SERINC1: variants seen among roughly 807,000 people sequenced by gnomAD.
SERINC1 encodes the protein serine incorporator 1, also known as tumor differentially expressed protein 2.
A neutral mutation model predicts 52.9 loss-of-function variants in SERINC1; 38 were observed. The ratio of observed to expected loss-of-function variants is 0.72; its 90% CI spans 0.55 to 0.94. The LOEUF (loss-of-function observed/expected upper bound fraction) is 0.94. Among genes scored for constraint, SERINC1 ranks in the 40% least tolerant of loss-of-function variants. The pLI is 0.00. For missense variants in SERINC1, 471 were observed against 533.9 expected (o/e 0.88, Z 1.16); for synonymous variants, 198 against 183.1 (o/e 1.08, Z -0.66).
chr6:122,457,453 T>TATTATG (rs1279765463), intron 2 of SERINC1, among the ~76,000 whole-genome samples: 1 of 152,202 alleles, frequency 6.6e-6, no homozygotes, highest in Non-Finnish European at 1.5e-5. Flanking sequence ...TGCTGTATAT[T>TATTATG]ATTATGGACT....
chr6:122,445,883 C>CAAAAAAAA (rs71018202), intron 9 of SERINC1, among the ~76,000 whole-genome samples: 32 of 62,774 alleles, frequency 5.1e-4, no homozygotes, highest in Non-Finnish European at 6.1e-4. Flanking sequence ...GACTCCATTT[C>CAAAAAAAA]AAAAAAAAAA....
chr6:122,467,075 G>A (rs568530893), intron 1 of SERINC1, among the ~76,000 whole-genome samples: 34 of 152,148 alleles, frequency 2.2e-4, no homozygotes, highest in Non-Finnish European at 3.8e-4. Context: ...AAACATGGTC[G>A]TCAACCAAAT....
chr6:122,461,704 A>C (rs1562216507), intron 1 of SERINC1, among the ~76,000 whole-genome samples: 2 of 152,138 alleles, frequency 1.3e-5, no homozygotes, highest in African/African-American at 4.8e-5. Flanking sequence ...TCTTCCAAAA[A>C]TTAAGGCAAA....
chr6:122,445,118 TG>T lies in SERINC1; in HGVS notation c.1287del (p.Ser430ValfsTer26). On this transcript the variant is annotated frameshift_variant, in exon 10 of 10. Coordinates refer to ENST00000339697, the MANE Select transcript of SERINC1 (RefSeq NM_020755.4). LOFTEE classifies it high-confidence loss of function. ...QWTAVWVKIS[S>X]SWIGIVLYVW... Reference sequence around the variant, plus strand: ...ACATACAGCACGATGCCAATCCAACTGGAAGAGATTTTCACCCAGACAGCTG... The same window carrying T: ...ACATACAGCACGATGCCAATCCAACTGAAGAGATTTTCACCCAGACAGCTG... The T allele has an allele frequency of 1.2e-6, 2 of 1,614,068 alleles. No homozygotes were observed. The highest frequency in any genetic ancestry group is 1.7e-6 in the Non-Finnish European group (2 of 1,179,942).
chr6:122,454,344 CTTCT>C, intron 3 of SERINC1, 114 bp from the exon 4 acceptor site: 3 of 625,316 alleles, frequency 4.8e-6, no homozygotes, highest in Non-Finnish European at 8.5e-6. Flanking sequence ...GAATGTTCTA[CTTCT>C]TTCTGAGGAT....
At chr6:122,454,390 C>G (rs1282207749) in intron 3 of SERINC1, 160 bp from the exon 4 acceptor site, 4 of 556,430 alleles carry the variant, frequency 7.2e-6, no homozygotes, top group Non-Finnish European at 1.3e-5. Flanking sequence ...ATATTTGTAA[C>G]TACAAAACAA....
Position 122,461,269 on chromosome 6 carries a change from AAAGT to A in SERINC1, c.40-2592_40-2589del, listed in dbSNP as rs529911587. Reference sequence around the variant, plus strand: ...TCACATCATAATCAAATTACTTAAAAAAGTAATAATCAGAAAAATCTTAAAAGTA... The same window carrying A: ...TCACATCATAATCAAATTACTTAAAAAATAATCAGAAAAATCTTAAAAGTA... On this transcript the variant is annotated intron_variant, in intron 1 of 9. Transcript: ENST00000339697. Among the ~76,000 whole-genome samples, 739 of 152,310 alleles carry A rather than the reference AAAGT, an allele frequency of 4.9e-3. 5 individuals carry two copies. Among genetic ancestry groups the A allele is most frequent in the African/African-American group, 0.017 (697 of 41,572 alleles).
Position 122,445,051 on chromosome 6 carries a change from A to G in SERINC1, c.1355T>C (p.Phe452Ser), listed in dbSNP as rs1774763704. 6.2e-7 allele frequency: 1 copy of G among 1,612,822 alleles called. No individual in the cohort carries two copies. Among genetic ancestry groups the G allele is most frequent in the African/African-American group, 1.3e-5 (1 of 74,884 alleles). Residue 452 changes from phenylalanine (F) to serine (S), a missense_variant, in exon 10 of 10, where the codon TTT becomes TCT. Coordinates refer to ENST00000339697, the MANE Select transcript of SERINC1 (RefSeq NM_020755.4). ...TCATGCTAGAAGTCTCACTCAGTCA[A>G]AATCACGATTTGTAAGAACAAGTGG... ...VAPLVLTNRD[F>S]D
At position 122,458,813 on chromosome 6, in the gene SERINC1, A is replaced by G. The variant is rs1001986189; in HGVS notation, c.40-132T>C. On this transcript the variant is annotated intron_variant, in intron 1 of 9. Coordinates refer to ENST00000339697, the MANE Select transcript of SERINC1 (RefSeq NM_020755.4). Reference sequence around the variant, plus strand: ...ACTAAAAGTAATTACATCAAGGGACATACGGTATTTGGTTCATATAAATTA... The same window carrying G: ...ACTAAAAGTAATTACATCAAGGGACGTACGGTATTTGGTTCATATAAATTA... The G allele has an allele frequency of 6.4e-6, 4 of 621,046 alleles. No individual in the cohort carries two copies. In the African/African-American group the frequency reaches 7.4e-5, roughly 12 times the overall value. 38.5% of individuals were successfully genotyped at this position (621,046 alleles called of 1,614,324 possible).
chr6:122,461,011 T>A (rs976576660), intron 1 of SERINC1, among the ~76,000 whole-genome samples: 3 of 151,726 alleles, frequency 2.0e-5, no homozygotes, highest in Admixed American at 2.0e-4. Context: ...TGATCCAAAA[T>A]GAAAGAGAGA....
Position 122,452,070 on chromosome 6 carries a change from T to C in SERINC1, c.590-13A>G. On this transcript the variant is annotated splice_polypyrimidine_tract_variant and intron_variant, in intron 5 of 9. Coordinates refer to ENST00000339697, the MANE Select transcript of SERINC1 (RefSeq NM_020755.4). ...GCTGATAACAAGGCTGTGAAAGAAA[T>C]ATAATTGGATAATTAGCTTTTTATC... 2 of 1,441,160 alleles carry C rather than the reference T, an allele frequency of 1.4e-6. No homozygotes were observed. Among genetic ancestry groups the C allele is most frequent in the Non-Finnish European group, 1.8e-6 (2 of 1,089,416 alleles). The allele number at this position is 1,441,160 out of a possible 1,614,324, so 89.3% of individuals were successfully genotyped here. A position where few individuals can be genotyped will look rare whatever the true frequency, so the allele number is the denominator to read the frequency against.
chr6:122,449,764 T>C (rs1172004000), intron 7 of SERINC1, among the ~76,000 whole-genome samples: 1 of 152,172 alleles, frequency 6.6e-6, no homozygotes, highest in African/African-American at 2.4e-5. Flanking sequence ...CGCCTGTAAG[T>C]TCAGCACTTT....
At chr6:122,453,929 C>T (rs1043025279) in intron 4 of SERINC1, 22 bp from the exon 5 acceptor site, 8 of 1,559,916 alleles carry the variant, frequency 5.1e-6, no homozygotes, top group Non-Finnish European at 6.9e-6. Flanking sequence ...AGAAAGCATA[C>T]ATAAGTGATT....
rs1774713420 is a variant in SERINC1 at position 122,443,986 on chromosome 6, GCCT to G, written c.*1055_*1057del. 1 of 151,790 alleles carries G rather than the reference GCCT, an allele frequency of 6.6e-6. No individual in the cohort carries two copies. Among genetic ancestry groups the G allele is most frequent in the African/African-American group, 2.4e-5 (1 of 41,278 alleles). 9.4% of individuals were successfully genotyped at this position (151,790 alleles called of 1,614,324 possible). A position where few individuals can be genotyped will look rare whatever the true frequency, so the allele number is the denominator to read the frequency against. ...TTACTTCCTTCCCTGTCAAAATTTTGCCTCCTTTGATTTTCAATATATATATAT... is the reference window on the plus strand; with the variant it reads ...TTACTTCCTTCCCTGTCAAAATTTTGCCTTTGATTTTCAATATATATATAT... On this transcript the variant is annotated 3_prime_UTR_variant, in exon 10 of 10. Transcript: ENST00000339697.
chr6:122,465,584 A>G (rs963060189), intron 1 of SERINC1, among the ~76,000 whole-genome samples: 4 of 152,174 alleles, frequency 2.6e-5, no homozygotes, highest in African/African-American at 9.7e-5. Flanking sequence ...CCCTAGATAA[A>G]TATCTGCATT....
intron 7 of SERINC1, among the ~76,000 whole-genome samples, chr6:122,450,772 G>A (rs1432197669): frequency 6.6e-6 from 1 of 152,076 alleles, no homozygotes; most frequent in Non-Finnish European, 1.5e-5. Context: ...AGTGGAGGAA[G>A]TAGCTACAGA....
At chr6:122,465,695 A>G (rs897878170) in intron 1 of SERINC1, among the ~76,000 whole-genome samples, 5 of 152,186 alleles carry the variant, frequency 3.3e-5, no homozygotes, top group African/African-American at 1.2e-4. Context: ...AAATATGAAC[A>G]AATAGCTACT....
rs147660536 is a variant in SERINC1, at chr6:122,453,570, T to C, written c.589+200A>G. 3.9e-3 allele frequency among the ~76,000 whole-genome samples: 595 copies of C among 152,316 alleles called. 5 individuals are homozygous for C. The highest frequency in any genetic ancestry group is 0.013 in the African/African-American group (526 of 41,568). On this transcript the variant is annotated intron_variant, in intron 5 of 9. Transcript: ENST00000339697. Reference sequence around the variant, plus strand: ...GGATTCTTTCCTGGTTCTTGGGTTATGTTCCCAGTTAATCTGCTAAAAGAT... The same window carrying C: ...GGATTCTTTCCTGGTTCTTGGGTTACGTTCCCAGTTAATCTGCTAAAAGAT...
intron 5 of SERINC1, 95 bp downstream of exon 5, chr6:122,453,675 G>T: frequency 2.0e-6 from 2 of 1,011,136 alleles, no homozygotes; most frequent in Non-Finnish European, 2.7e-6. Flanking sequence ...TAGGAAAGTA[G>T]ACCATAAAAA....
Sources: gnomAD v4.1 joint callset for allele counts (sites outside exome capture counted in the v4.1 genomes callset) on GRCh38, gnomAD v4.1.1 for gene constraint, MANE v1.5 for transcripts, NCBI Gene and HGNC (gene_info 2026-07-23, HGNC 2026-07-21) for gene names.